The following DIS3L2 variants were observed in gnomAD, a reference collection of about 807,000 sequenced individuals.
DIS3L2 encodes the protein DIS3 like 3'-5' exoribonuclease 2.
A neutral mutation model predicts 97.5 loss-of-function variants in DIS3L2; 34 were observed. The observed-to-expected ratio is 0.35, with a 90% CI of 0.27 to 0.46. DIS3L2 has a LOEUF of 0.46. Ranked by LOEUF, DIS3L2 falls within the 20% of genes least tolerant of loss-of-function variation. The pLI is 1.00. For synonymous variants in DIS3L2, 435 were observed against 445.2 expected, an observed-to-expected ratio of 0.98 and a Z score of 0.29; for missense variants, 1,038 against 1,146.0, an observed-to-expected ratio of 0.91 and a Z score of 1.36.
intron 6 of DIS3L2, among the ~76,000 whole-genome samples, chr2:232,125,487 T>A (rs1208434704): frequency 6.6e-6 from 1 of 152,174 alleles, no homozygotes. Flanking sequence ...TCCTGCATGC[T>A]GTCATTCACT....
intron 9 of DIS3L2, among the ~76,000 whole-genome samples, chr2:232,209,321 A>G (rs951188549): frequency 9.2e-5 from 14 of 152,188 alleles, no homozygotes; most frequent in Admixed American, 7.9e-4. Flanking sequence ...CAGTGGCCCA[A>G]TTATAGCTCA....
intron 9 of DIS3L2, among the ~76,000 whole-genome samples, chr2:232,195,192 A>G (rs1485245940): frequency 6.6e-6 from 1 of 152,214 alleles, no homozygotes; most frequent in Non-Finnish European, 1.5e-5. Context: ...GTCATACTCA[A>G]TTTAATAATA....
chr2:232,054,235 A>G (rs908764565), intron 5 of DIS3L2, among the ~76,000 whole-genome samples: 29 of 152,198 alleles, frequency 1.9e-4, no homozygotes, highest in Admixed American at 1.9e-3. Context: ...ATTATTTTGG[A>G]CATCTACTGT....
chr2:232,039,382 C>T (rs924485700), intron 5 of DIS3L2, among the ~76,000 whole-genome samples: 5 of 152,142 alleles, frequency 3.3e-5, no homozygotes, highest in African/African-American at 1.2e-4. Flanking sequence ...TAGTCACTAG[C>T]GTGAGCCAAT....
chr2:232,317,358 A>G (rs1432823733), intron 14 of DIS3L2, among the ~76,000 whole-genome samples: 1 of 152,196 alleles, frequency 6.6e-6, no homozygotes, highest in Non-Finnish European at 1.5e-5. Flanking sequence ...GATGCTGGAC[A>G]AATGTCTCCT....
At chr2:232,030,368 A>G (rs953154159) in intron 5 of DIS3L2, among the ~76,000 whole-genome samples, 3 of 152,164 alleles carry the variant, frequency 2.0e-5, no homozygotes, top group African/African-American at 7.2e-5. Context: ...CTGAGGGCCC[A>G]TTCAAACTTG....
At position 232,211,189 on chromosome 2, in the gene DIS3L2, G is replaced by C. The variant is rs560149345; in HGVS notation, c.1204+784G>C. ...CAACAGAGTCCCACTCTTTTGCCCA[G>C]GCTGGAGTGTAGTGGCATGATCATA... On this transcript the variant is annotated intron_variant, in intron 10 of 20. Coordinates refer to ENST00000325385, the MANE Select transcript of DIS3L2 (RefSeq NM_152383.5). Among the ~76,000 whole-genome samples the C allele has an allele frequency of 2.9e-5, 4 of 139,100 alleles. No homozygotes were observed. In the South Asian group the frequency reaches 7.8e-4, roughly 27 times the overall value. 91.3% of individuals were successfully genotyped at this position (139,100 alleles called of 152,430 possible).
At chr2:232,283,149 C>T (rs911793629) in intron 13 of DIS3L2, among the ~76,000 whole-genome samples, 1 of 152,262 alleles carries the variant, frequency 6.6e-6, no homozygotes, top group African/African-American at 2.4e-5. Flanking sequence ...TTCACACATT[C>T]GATCATTTAA....
In DIS3L2 at chr2:232,008,627, G is replaced by A. The variant is rs146739922; in HGVS notation, c.-93-6208G>A. Among the ~76,000 whole-genome samples the A allele has an allele frequency of 3.6e-3, 542 of 152,290 alleles. 3 individuals carry two copies. The highest frequency in any genetic ancestry group is 0.012 in the African/African-American group (497 of 41,560). On this transcript the variant is annotated intron_variant, in intron 1 of 20. Transcript: ENST00000325385. Reference sequence around the variant, plus strand: ...GGGTTAGTACAAGTGGGTCTGGCCTGCCTTGAGTTAGACAGAGGGAGTGGG... The same window carrying A: ...GGGTTAGTACAAGTGGGTCTGGCCTACCTTGAGTTAGACAGAGGGAGTGGG...
chr2:232,159,521 G>A (rs1690590528), intron 8 of DIS3L2, among the ~76,000 whole-genome samples: 1 of 152,208 alleles, frequency 6.6e-6, no homozygotes, highest in Admixed American at 6.5e-5. Context: ...GCATTATGTA[G>A]TAGGAAGCTG....
chr2:232,280,335 T>A (rs1694249599), intron 13 of DIS3L2, among the ~76,000 whole-genome samples: 1 of 152,160 alleles, frequency 6.6e-6, no homozygotes, highest in Non-Finnish European at 1.5e-5. Flanking sequence ...TGGCTTAAGA[T>A]TTGGCATCAA....
chr2:232,161,713 C>G (rs1474939217), intron 8 of DIS3L2, among the ~76,000 whole-genome samples: 1 of 152,102 alleles, frequency 6.6e-6, no homozygotes, highest in Non-Finnish European at 1.5e-5. Context: ...TCAAGTGATC[C>G]ACCCGCCTTG....
intron 14 of DIS3L2, chr2:232,328,884 T>C (rs1695651156): frequency 6.6e-6 from 1 of 152,258 alleles, no homozygotes; most frequent in Non-Finnish European, 1.5e-5. Flanking sequence ...GAAAAAGAAG[T>C]GCGTGGCCTC....
At chr2:232,029,835 G>T in intron 4 of DIS3L2, 144 bp from the exon 5 acceptor site, 1 of 587,714 alleles carries the variant, frequency 1.7e-6, no homozygotes, top group Non-Finnish European at 2.9e-6. Context: ...TATTAAAAAG[G>T]TATCAGCATG....
chr2:232,270,912 CTCT>C (rs1330520221), intron 13 of DIS3L2, among the ~76,000 whole-genome samples: 42 of 121,234 alleles, frequency 3.5e-4, no homozygotes, highest in African/African-American at 8.0e-4. Context: ...CTCTCTCTCT[CTCT>C]GTCTCGTCTC....
rs201806416 is a variant in DIS3L2 at position 232,056,582 on chromosome 2, G to GA, written c.366+26510dup. ...ATAAAGAATTCCCTGACATAATTGA[G>GA]AAAAAAAACAGACAACAAATAGAAA... On this transcript the variant is annotated intron_variant, in intron 5 of 20. Transcript: ENST00000325385. Among the ~76,000 whole-genome samples, 329 of 151,608 alleles carry GA rather than the reference G, an allele frequency of 2.2e-3. 1 individual carries two copies. Among genetic ancestry groups the GA allele is most frequent in the Middle Eastern group, 3.4e-3 (1 of 292 alleles).
At chr2:232,258,730 G>A (rs1693637367) in intron 12 of DIS3L2, among the ~76,000 whole-genome samples, 4 of 152,066 alleles carry the variant, frequency 2.6e-5, no homozygotes, top group Admixed American at 2.6e-4. Context: ...TCTGCCACTG[G>A]CTTTGGTTAT....
At chr2:232,173,044 A>G (rs1437111140) in intron 9 of DIS3L2, among the ~76,000 whole-genome samples, 1 of 152,170 alleles carries the variant, frequency 6.6e-6, no homozygotes, top group Admixed American at 6.5e-5. Context: ...TTTATCAGAT[A>G]TATGATTTGC....
rs114673874 is a variant in DIS3L2 at position 232,314,410 on chromosome 2, G to T, written c.1739+14291G>T. Among the ~76,000 whole-genome samples the T allele has an allele frequency of 5.4e-3, 830 of 152,302 alleles. 5 individuals carry two copies. Among genetic ancestry groups the T allele is most frequent in the Middle Eastern group, 0.02 (6 of 294 alleles). ...TTGGAGGAATGAAGAGGACAGAGAGGGTCGAGACCCAAACCGAGCAGGCCC... is the reference window on the plus strand; with the variant it reads ...TTGGAGGAATGAAGAGGACAGAGAGTGTCGAGACCCAAACCGAGCAGGCCC... On this transcript the variant is annotated intron_variant, in intron 14 of 20. Transcript: ENST00000325385.
Sources: gnomAD v4.1 joint callset for allele counts (sites outside exome capture counted in the v4.1 genomes callset) on GRCh38, gnomAD v4.1.1 for gene constraint, MANE v1.5 for transcripts, NCBI Gene and HGNC (gene_info 2026-07-23, HGNC 2026-07-21) for gene names.